The following BNC2 variants were observed in gnomAD, a reference collection of about 807,000 sequenced individuals.
BNC2 encodes the protein zinc finger protein basonuclin-2.
BNC2 carries 20 observed loss-of-function variants against 76.3 expected under a neutral mutation model. That is an observed-to-expected ratio of 0.26 (90% confidence interval 0.18 to 0.38). BNC2 has a LOEUF of 0.38. Ranked by LOEUF, BNC2 falls within the 10% of genes least tolerant of loss-of-function variation. The probability of loss-of-function intolerance (pLI) is 1.00; values close to 1 mark genes in which losing one functional copy is unlikely to be tolerated. For missense variants in BNC2, 1,382 were observed against 1,399.8 expected, an observed-to-expected ratio of 0.99 and a Z score of 0.20; for synonymous variants, 582 against 514.8, an observed-to-expected ratio of 1.13 and a Z score of -1.77.
chr9:16,554,992 C>T (rs2132573309), intron 4 of BNC2, among the ~76,000 whole-genome samples: 1 of 152,252 alleles, frequency 6.6e-6, no homozygotes, highest in East Asian at 1.9e-4. Flanking sequence ...CACTCTCCCT[C>T]CCACTCATTA....
intron 4 of BNC2, among the ~76,000 whole-genome samples, chr9:16,557,355 C>A (rs576524507): frequency 4.6e-5 from 7 of 151,758 alleles, no homozygotes; most frequent in Non-Finnish European, 7.4e-5. Context: ...AAAAATAAGC[C>A]GGGCATGGTG....
chr9:16,783,684 A>C (rs1468177742), intron 1 of BNC2, among the ~76,000 whole-genome samples: 2 of 152,198 alleles, frequency 1.3e-5, no homozygotes, highest in Admixed American at 1.3e-4. Context: ...AACAATCTCA[A>C]AAATTAATTC....
At chr9:16,659,357 C>T (rs1014656280) in intron 3 of BNC2, among the ~76,000 whole-genome samples, 3 of 152,204 alleles carry the variant, frequency 2.0e-5, no homozygotes, top group Admixed American at 6.5e-5. Context: ...CACGCGTAAT[C>T]ACAGCACTTT....
At chr9:16,546,148 A>AT (rs1326523386) in intron 5 of BNC2, among the ~76,000 whole-genome samples, 1 of 152,256 alleles carries the variant, frequency 6.6e-6, no homozygotes, top group Non-Finnish European at 1.5e-5. Flanking sequence ...ACACATAGAT[A>AT]TAAGTGAAAA....
chr9:16,786,534 T>C (rs1221412915), intron 1 of BNC2, among the ~76,000 whole-genome samples: 2 of 152,186 alleles, frequency 1.3e-5, no homozygotes, highest in African/African-American at 4.8e-5. Flanking sequence ...TCCCCCAAAC[T>C]GTGGCTCTTC....
intron 1 of BNC2, among the ~76,000 whole-genome samples, chr9:16,767,564 G>A (rs909529895): frequency 3.3e-5 from 5 of 152,164 alleles, no homozygotes; most frequent in Non-Finnish European, 1.5e-5. Context: ...AGTTGAGGGA[G>A]ATTAGAAGCC....
At position 16,491,568 on chromosome 9, in the gene BNC2, G is replaced by A. The variant is rs1480369572; in HGVS notation, c.670-54044C>T. ...GCTGGGGAAATGGCAGTAATTCTAA[G>A]AGAGCCTGGGAAATGGGAGGAAGGC... On this transcript the variant is annotated intron_variant, in intron 5 of 6. Transcript: ENST00000380672. Among the ~76,000 whole-genome samples the A allele has an allele frequency of 2.6e-5, 4 of 152,190 alleles. No individual in the cohort carries two copies. The East Asian group carries it at 7.7e-4, about 29-fold the overall frequency.
chr9:16,627,521 T>C (rs1223748527), intron 3 of BNC2, among the ~76,000 whole-genome samples: 3 of 152,116 alleles, frequency 2.0e-5, no homozygotes, highest in South Asian at 2.1e-4. Flanking sequence ...AATACCAGGA[T>C]TGAGCATTAC....
At chr9:16,547,253 G>C (rs912368294) in intron 5 of BNC2, among the ~76,000 whole-genome samples, 1 of 152,230 alleles carries the variant, frequency 6.6e-6, no homozygotes, top group Non-Finnish European at 1.5e-5. Context: ...ACTCTACACA[G>C]ATCACTAGCT....
At chr9:16,695,854 G>A (rs900293785) in intron 3 of BNC2, among the ~76,000 whole-genome samples, 2 of 87,988 alleles carry the variant, frequency 2.3e-5, no homozygotes, top group Non-Finnish European at 7.5e-5. Flanking sequence ...TTAACATCTC[G>A]AGCTAAACAA....
chr9:16,501,332 G>C (rs1822513023), intron 5 of BNC2, among the ~76,000 whole-genome samples: 2 of 152,116 alleles, frequency 1.3e-5, no homozygotes, highest in Admixed American at 1.3e-4. Flanking sequence ...CTTATCTCAT[G>C]AGTCAGCAAT....
intron 3 of BNC2, among the ~76,000 whole-genome samples, chr9:16,621,316 C>T (rs1419556058): frequency 6.6e-6 from 1 of 152,112 alleles, no homozygotes; most frequent in Non-Finnish European, 1.5e-5. Context: ...AAAGGAGAAA[C>T]AGAGGGAAAC....
intron 4 of BNC2, among the ~76,000 whole-genome samples, chr9:16,569,290 T>C (rs1819253210): frequency 6.6e-6 from 1 of 152,134 alleles, no homozygotes; most frequent in African/African-American, 2.4e-5. Flanking sequence ...CATGGTTTAT[T>C]ATGAATGTAA....
chr9:16,470,288 T>C (rs923388389), intron 5 of BNC2, among the ~76,000 whole-genome samples: 1 of 152,122 alleles, frequency 6.6e-6, no homozygotes, highest in Non-Finnish European at 1.5e-5. Flanking sequence ...TGAGCCACCA[T>C]GCCCAGCCGG....
chr9:16,634,755 C>G (rs1207803367), intron 3 of BNC2, among the ~76,000 whole-genome samples: 1 of 152,146 alleles, frequency 6.6e-6, no homozygotes, highest in Non-Finnish European at 1.5e-5. Flanking sequence ...CCCGCCTCAG[C>G]CTCCCAAAAT....
intron 4 of BNC2, among the ~76,000 whole-genome samples, chr9:16,579,038 T>G (rs1418556023): frequency 5.9e-5 from 9 of 152,126 alleles, no homozygotes; most frequent in Admixed American, 5.9e-4. Flanking sequence ...CTTTCTATTA[T>G]CAGAGTGAAA....
chr9:16,421,132 G>T, intron 6 of BNC2: 1 of 358,238 alleles, frequency 2.8e-6, no homozygotes, highest in Non-Finnish European at 4.7e-6. Flanking sequence ...TGAGAGGTAT[G>T]TGCCTCAGAG....
rs1327126618 is a variant in BNC2 at position 16,436,585 on chromosome 9, G to A, written c.1609C>T (p.Pro537Ser). The A allele has an allele frequency of 1.2e-6, 2 of 1,614,014 alleles. No homozygotes were observed. The highest frequency in any genetic ancestry group is 1.7e-6 in the Non-Finnish European group (2 of 1,180,024). Residue 537 changes from proline (P) to serine (S), a missense_variant, in exon 6 of 7, where the codon CCC becomes TCC. Pro to Ser is a moderately conservative substitution (Grantham distance 74, BLOSUM62 -1). Around this residue, in one of 3 missense-constraint regions of BNC2, gnomAD observed 798 missense variants for 775.5 expected, o/e 1.03. Coordinates refer to ENST00000380672, the MANE Select transcript of BNC2 (RefSeq NM_017637.6). ...SNLALTSPGR[P>S]PMGFTTPPLD... ...GGGGGAGTGGTAAAACCCATTGGGGGTCGGCCAGGGCTTGTGAGTGCCAGA... is the reference window on the plus strand; with the variant it reads ...GGGGGAGTGGTAAAACCCATTGGGGATCGGCCAGGGCTTGTGAGTGCCAGA...
chr9:16,555,140 C>T (rs1181390504), intron 4 of BNC2, among the ~76,000 whole-genome samples: 4 of 152,092 alleles, frequency 2.6e-5, no homozygotes, highest in South Asian at 2.1e-4. Context: ...CTGCCTCAGC[C>T]TCCAGACTAG....
Sources: allele counts gnomAD v4.1 joint callset (sites outside exome capture counted in the v4.1 genomes callset), GRCh38; gene constraint gnomAD v4.1.1; regional missense constraint gnomAD v4.1.1; transcripts MANE v1.5; gene names NCBI Gene and HGNC (gene_info 2026-07-23, HGNC 2026-07-21).